CNMD: variants seen among roughly 807,000 people sequenced by gnomAD.
The protein encoded by CNMD is leukocyte cell-derived chemotaxin 1.
A neutral mutation model predicts 37.5 loss-of-function variants in CNMD; 30 were observed. The observed-to-expected ratio is 0.80, with a 90% confidence interval of 0.60 to 1.09. The LOEUF (loss-of-function observed/expected upper bound fraction) is 1.09. CNMD is among the 50% of genes least tolerant of loss of function. The probability of loss-of-function intolerance (pLI) is 0.00; values close to 1 mark genes in which losing one functional copy is unlikely to be tolerated. For missense variants in CNMD, 398 were observed against 423.9 expected, an observed-to-expected ratio of 0.94 and a Z score of 0.54; for synonymous variants, 167 against 148.2, an observed-to-expected ratio of 1.13 and a Z score of -0.92.
chr13:52,716,530 T>C (rs1964384904), intron 4 of CNMD, among the ~76,000 whole-genome samples: 1 of 152,170 alleles, frequency 6.6e-6, no homozygotes, highest in Non-Finnish European at 1.5e-5. Context: ...TTGTATAAGG[T>C]GTAAGGAAGG....
At chr13:52,709,053 A>G (rs1392075189) in intron 5 of CNMD, among the ~76,000 whole-genome samples, 3 of 152,194 alleles carry the variant, frequency 2.0e-5, no homozygotes, top group Admixed American at 1.3e-4. Context: ...TGCAATTAGA[A>G]GTGGCCAGGT....
At chr13:52,719,954 C>T (rs955184112) in intron 4 of CNMD, among the ~76,000 whole-genome samples, 2 of 152,196 alleles carry the variant, frequency 1.3e-5, no homozygotes, top group Non-Finnish European at 2.9e-5. Context: ...CTGTCACTTT[C>T]AGGTACACCA....
chr13:52,711,392 A>G (rs1265503331), intron 5 of CNMD, among the ~76,000 whole-genome samples: 2 of 152,228 alleles, frequency 1.3e-5, no homozygotes, highest in Admixed American at 6.5e-5. Flanking sequence ...GACCACCCAT[A>G]GGAGCAAGAG....
rs1453439349 is a variant in CNMD, at chr13:52,712,566, C to G, written c.622+150G>C. ...ACGGGCTGTCATTTTCCTGCTCTTT[C>G]ATCTCTCATGCTAATTACTGAGACA... On this transcript the variant is annotated intron_variant, in intron 5 of 6. Coordinates refer to ENST00000377962, the MANE Select transcript of CNMD (RefSeq NM_007015.3). 8.2e-6 allele frequency: 4 copies of G among 487,070 alleles called. No homozygotes were observed. The East Asian group carries it at 9.5e-5, about 12-fold the overall frequency. The allele number at this position is 487,070 out of a possible 1,614,324, so 30.2% of individuals were successfully genotyped here.
At chr13:52,709,653 TGCA>T (rs140854687) in intron 5 of CNMD, among the ~76,000 whole-genome samples, 2,339 of 152,254 alleles carry the variant, frequency 0.015, 58 homozygotes, top group African/African-American at 0.053. Context: ...TCATGGGCCC[TGCA>T]GCAGGGCTGA....
At position 52,707,997 on chromosome 13, in the gene CNMD, C is replaced by T. The variant is rs188223277; in HGVS notation, c.789+539G>A. Among the ~76,000 whole-genome samples the T allele has an allele frequency of 8.4e-3, 1,282 of 151,860 alleles. 26 individuals are homozygous for T. Among genetic ancestry groups the T allele is most frequent in the African/African-American group, 0.03 (1,228 of 41,440 alleles). ...GGGCATGGTGGTGGGCACCTGAAAT[C>T]CCAGCTACTTGGGAGGCTGAGGCAG... On this transcript the variant is annotated intron_variant, in intron 6 of 6. Transcript: ENST00000377962.
chr13:52,719,060 T>C (rs1964437267), intron 4 of CNMD, among the ~76,000 whole-genome samples: 1 of 152,234 alleles, frequency 6.6e-6, no homozygotes, highest in African/African-American at 2.4e-5. Flanking sequence ...CTGGTTGCAT[T>C]GATCCTTTTA....
At chr13:52,727,524 T>A (rs1370762201) in intron 3 of CNMD, among the ~76,000 whole-genome samples, 1 of 151,782 alleles carries the variant, frequency 6.6e-6, no homozygotes, top group Admixed American at 6.6e-5. Flanking sequence ...ATTAGCTAGG[T>A]GTGGTGGTGT....
At chr13:52,731,871 T>C (rs1322665504) in intron 3 of CNMD, among the ~76,000 whole-genome samples, 3 of 152,206 alleles carry the variant, frequency 2.0e-5, no homozygotes, top group African/African-American at 7.2e-5. Flanking sequence ...CTGTCCTGGG[T>C]CTTGCAGTAA....
chr13:52,703,664 G>A lies in CNMD; in HGVS notation c.936C>T (p.Gly312=). Residue 312 remains glycine (G), a synonymous_variant, in exon 7 of 7, where the codon GGC becomes GGT. Transcript: ENST00000377962. The stretch of plus-strand genomic sequence containing the variant: ...TGATGACTCTGCAGGCCGAACGGCA[G>A]CCTTGATAATTATAAGGCCATGGGT... ...GYYPWPYNYQ[G]CRSACRVIMP... The A allele has an allele frequency of 6.2e-7, 1 of 1,614,158 alleles. No individual in the cohort carries two copies. The highest frequency in any genetic ancestry group is 8.5e-7 in the Non-Finnish European group (1 of 1,179,990).
chr13:52,708,488 T>C (rs770296300), intron 6 of CNMD, 48 bp downstream of exon 6: 1 of 1,554,292 alleles, frequency 6.4e-7, no homozygotes, highest in Non-Finnish European at 8.8e-7. Flanking sequence ...GCCTTGGCAC[T>C]ATGTTTAATG....
At position 52,712,849 on chromosome 13, in the gene CNMD, G is replaced by T; in HGVS notation, c.489C>A (p.Val163=). The T allele has an allele frequency of 6.3e-7, 1 of 1,575,962 alleles. No homozygotes were observed. Among genetic ancestry groups the T allele is most frequent in the South Asian group, 1.2e-5 (1 of 81,614 alleles). The part of the protein sequence containing the change: ...SSKLEGKIMP[V]KYEENSLIWV... Reference sequence around the variant, plus strand: ...AGATAAGAGAATTTTCTTCATATTTGACTGGCATGATCTTGCCTTCCTGAA... The same window carrying T: ...AGATAAGAGAATTTTCTTCATATTTTACTGGCATGATCTTGCCTTCCTGAA... Residue 163 remains valine, a synonymous_variant, in exon 5 of 7, where the codon GTC becomes GTA. Transcript: ENST00000377962.
chr13:52,722,978 G>A (rs186329597), intron 4 of CNMD, among the ~76,000 whole-genome samples: 24 of 152,326 alleles, frequency 1.6e-4, no homozygotes, highest in African/African-American at 5.5e-4. Context: ...TTGGGGTGGG[G>A]GATGAGTGCC....
At position 52,735,681 on chromosome 13, in the gene CNMD, CT is replaced by C. The variant is rs1384059550; in HGVS notation, c.214-2323del. On this transcript the variant is annotated intron_variant, in intron 2 of 6. Coordinates refer to ENST00000377962, the MANE Select transcript of CNMD (RefSeq NM_007015.3). ...TAGCTGATGAATTTTTAAAAAAAAT[CT>C]AAAAAAAAAAAAAAATCTCATAATG... 3.0e-5 allele frequency among the ~76,000 whole-genome samples: 4 copies of C among 132,220 alleles called. No homozygotes were observed. The East Asian group carries it at 8.3e-4, about 28-fold the overall frequency. 86.7% of individuals were successfully genotyped at this position (132,220 alleles called of 152,430 possible). A position where few individuals can be genotyped will look rare whatever the true frequency, so the allele number is the denominator to read the frequency against.
At chr13:52,737,716 T>C (rs1964795213) in intron 2 of CNMD, among the ~76,000 whole-genome samples, 1 of 152,248 alleles carries the variant, frequency 6.6e-6, no homozygotes, top group African/African-American at 2.4e-5. Flanking sequence ...CCACAGAATT[T>C]CCCAAAGAGA....
chr13:52,706,690 G>C (rs1392513453), intron 6 of CNMD, among the ~76,000 whole-genome samples: 1 of 151,466 alleles, frequency 6.6e-6, no homozygotes, highest in Non-Finnish European at 1.5e-5. Flanking sequence ...ATTGTAACTG[G>C]AAAGAAAGCA....
At chr13:52,737,043 G>T (rs947979845) in intron 2 of CNMD, among the ~76,000 whole-genome samples, 2 of 152,200 alleles carry the variant, frequency 1.3e-5, no homozygotes, top group Non-Finnish European at 2.9e-5. Context: ...ACATGAAAAG[G>T]ATAGGAGGTG....
At chr13:52,711,695 G>A (rs1018028236) in intron 5 of CNMD, among the ~76,000 whole-genome samples, 3 of 152,162 alleles carry the variant, frequency 2.0e-5, no homozygotes, top group Non-Finnish European at 2.9e-5. Context: ...CCTAAGCCTG[G>A]TGGGTATTTT....
At chr13:52,719,974 A>G (rs1964453896) in intron 4 of CNMD, among the ~76,000 whole-genome samples, 1 of 152,136 alleles carries the variant, frequency 6.6e-6, no homozygotes, top group South Asian at 2.1e-4. Context: ...AGTCAAATGT[A>G]GGTTTGGTTT....
Sources: allele counts gnomAD v4.1 joint callset (sites outside exome capture counted in the v4.1 genomes callset), GRCh38; gene constraint gnomAD v4.1.1; transcripts MANE v1.5; gene names NCBI Gene and HGNC (gene_info 2026-07-23, HGNC 2026-07-21).